Variants in DHRSX observed in about 807,000 individuals in gnomAD.
The protein encoded by DHRSX is dehydrogenase/reductase X-linked.
A neutral mutation model predicts 34.0 loss-of-function variants in DHRSX; 31 were observed. The observed-to-expected ratio is 0.91, with a 90% CI of 0.69 to 1.23. DHRSX has a LOEUF of 1.23. DHRSX is among the 50% of genes most tolerant of loss of function. DHRSX has a pLI of 0.00. For synonymous variants in DHRSX, 201 were observed against 183.8 expected (o/e 1.09, Z -0.76); for missense variants, 414 against 428.1 (o/e 0.97, Z 0.29).
intron 3 of DHRSX, among the ~76,000 whole-genome samples, chrX:2,346,486 G>A (rs1001395335): frequency 2.8e-4 from 43 of 151,798 alleles, no homozygotes; most frequent in African/African-American, 1.0e-3. Flanking sequence ...CCTTGAAGCT[G>A]CTGTCAAGCT....
In DHRSX at chrX:2,371,666, AGTCCCTCCTCCTCCCATTATCACC is replaced by A. The variant is rs1445318053; in HGVS notation, c.286+37055_286+37078del. On this transcript the variant is annotated intron_variant, in intron 3 of 6. Coordinates refer to ENST00000334651, the MANE Select transcript of DHRSX (RefSeq NM_145177.3). ...TAGTCCACACTCCTCCCCTTACCATAGTCCCTCCTCCTCCCATTATCACCGCCCCTCCTCCTCCCATTATCACAG... is the reference window on the plus strand; with the variant it reads ...TAGTCCACACTCCTCCCCTTACCATAGCCCCTCCTCCTCCCATTATCACAG... Among the ~76,000 whole-genome samples the A allele has an allele frequency of 6.1e-5, 9 of 147,326 alleles. No individual in the cohort carries two copies. In the East Asian group the frequency reaches 1.7e-3, roughly 27 times the overall value.
At chrX:2,460,733 A>G (rs1001291366) in intron 1 of DHRSX, among the ~76,000 whole-genome samples, 1 of 151,868 alleles carries the variant, frequency 6.6e-6, no homozygotes, top group East Asian at 1.9e-4. Context: ...ACAAATGCAC[A>G]CCTTATGTCC....
intron 3 of DHRSX, among the ~76,000 whole-genome samples, chrX:2,299,584 G>A (rs1264072998): frequency 6.6e-6 from 1 of 152,124 alleles, no homozygotes. Context: ...GCCGGGTGTG[G>A]TGGCTCATGC....
At chrX:2,485,030 G>C (rs763542220) in intron 1 of DHRSX, among the ~76,000 whole-genome samples, 1 of 152,162 alleles carries the variant, frequency 6.6e-6, no homozygotes, top group Admixed American at 6.5e-5. Flanking sequence ...AAAACAGTTC[G>C]AAGCAGGCAA....
chrX:2,426,924 C>T (rs1400570687), intron 1 of DHRSX, among the ~76,000 whole-genome samples: 1 of 152,010 alleles, frequency 6.6e-6, no homozygotes, highest in Non-Finnish European at 1.5e-5. Flanking sequence ...ATGTGTAGAG[C>T]CCACACTCTG....
Position 2,474,030 on chromosome X carries a change from G to C in DHRSX, c.109+26787C>G, listed in dbSNP as rs1462918069. On this transcript the variant is annotated intron_variant, in intron 1 of 6. Coordinates refer to ENST00000334651, the MANE Select transcript of DHRSX (RefSeq NM_145177.3). ...GTGCAGAGAGGAGCAGGCTGGCTGC[G>C]TCTCTCACTGTGCCTGGGATGGGCG... Among the ~76,000 whole-genome samples the C allele has an allele frequency of 3.9e-5, 6 of 151,984 alleles. No homozygotes were observed. In the South Asian group the frequency reaches 1.2e-3, roughly 32 times the overall value.
intron 5 of DHRSX, among the ~76,000 whole-genome samples, chrX:2,263,557 C>T (rs775585550): frequency 1.5e-4 from 23 of 148,806 alleles, no homozygotes; most frequent in Non-Finnish European, 3.1e-4. Flanking sequence ...GTTGTTACTC[C>T]GGCTGGAGTG....
At chrX:2,273,293 CA>C (rs2041582188) in intron 4 of DHRSX, among the ~76,000 whole-genome samples, 1 of 152,156 alleles carries the variant, frequency 6.6e-6, no homozygotes, top group Non-Finnish European at 1.5e-5. Flanking sequence ...CAATTGCAAA[CA>C]TACGGAATCA....
intron 6 of DHRSX, among the ~76,000 whole-genome samples, chrX:2,238,398 G>T (rs956167511): frequency 3.3e-5 from 5 of 151,972 alleles, no homozygotes; most frequent in African/African-American, 7.2e-5. Flanking sequence ...TTCTGGTACC[G>T]ACTGGTCGCC....
chrX:2,493,243 G>A (rs1317277708), intron 1 of DHRSX, among the ~76,000 whole-genome samples: 3 of 152,166 alleles, frequency 2.0e-5, no homozygotes, highest in Admixed American at 6.5e-5. Flanking sequence ...CACAGTCAAC[G>A]GAGGGGGAAA....
chrX:2,314,238 G>GGAAT (rs2042201406), intron 3 of DHRSX, among the ~76,000 whole-genome samples: 5 of 23,672 alleles, frequency 2.1e-4, no homozygotes, highest in Non-Finnish European at 3.0e-4. Context: ...AGGGAGGGAG[G>GGAAT]GAAGGAAGGG....
chrX:2,316,070 A>G (rs2042238508), intron 3 of DHRSX, among the ~76,000 whole-genome samples: 1 of 152,050 alleles, frequency 6.6e-6, no homozygotes, highest in Non-Finnish European at 1.5e-5. Context: ...CCTTGTTGGA[A>G]AGAGTGGTCT....
At chrX:2,303,731 GAT>G (rs2042043271) in intron 3 of DHRSX, among the ~76,000 whole-genome samples, 2 of 150,968 alleles carry the variant, frequency 1.3e-5, no homozygotes, top group African/African-American at 4.9e-5. Context: ...TAGATGGATG[GAT>G]AGGTGGATGG....
intron 6 of DHRSX, among the ~76,000 whole-genome samples, chrX:2,225,497 G>A (rs2015637378): frequency 6.6e-6 from 1 of 152,182 alleles, no homozygotes; most frequent in Non-Finnish European, 1.5e-5. Flanking sequence ...CACATGCACA[G>A]ATTATTTATC....
chrX:2,254,947 C>G (rs1201744467), intron 5 of DHRSX, among the ~76,000 whole-genome samples: 4 of 98,094 alleles, frequency 4.1e-5, no homozygotes, highest in Admixed American at 1.1e-4. Context: ...CTGCCCCACG[C>G]CCCCCCCCTT....
intron 2 of DHRSX, among the ~76,000 whole-genome samples, chrX:2,421,938 G>T (rs2043785677): frequency 6.6e-6 from 1 of 152,162 alleles, no homozygotes; most frequent in Non-Finnish European, 1.5e-5. Flanking sequence ...GTAACATGAT[G>T]ACTTTTAGCC....
At chrX:2,262,090 G>C (rs1344496830) in intron 5 of DHRSX, among the ~76,000 whole-genome samples, 1 of 152,150 alleles carries the variant, frequency 6.6e-6, no homozygotes, top group East Asian at 1.9e-4. Context: ...TGGGCATCAG[G>C]GAAGGCTGGC....
chrX:2,349,282 G>A (rs1409669085), intron 3 of DHRSX, among the ~76,000 whole-genome samples: 1 of 152,024 alleles, frequency 6.6e-6, no homozygotes, highest in Non-Finnish European at 1.5e-5. Context: ...AAGAAAATGC[G>A]GTACAGCTGG....
rs748012493 is a variant in DHRSX, at chrX:2,243,250, A to C, written c.597-20T>G. 7 of 1,609,096 alleles carry C rather than the reference A, an allele frequency of 4.4e-6. No individual in the cohort carries two copies. Among genetic ancestry groups the C allele is most frequent in the Middle Eastern group, 1.7e-4 (1 of 5,784 alleles). On this transcript the variant is annotated intron_variant, in intron 5 of 6. Coordinates refer to ENST00000334651, the MANE Select transcript of DHRSX (RefSeq NM_145177.3). ...CAGGCACTGTGGGGCAAGCAGGAGA[A>C]GGTGTAAGAGGCTGACGGCGTTCAC...
Sources: gnomAD v4.1 joint callset for allele counts (sites outside exome capture counted in the v4.1 genomes callset) on GRCh38, gnomAD v4.1.1 for gene constraint, MANE v1.5 for transcripts, NCBI Gene and HGNC (gene_info 2026-07-23, HGNC 2026-07-21) for gene names.